The following UGT1A10 variants were observed in gnomAD, a reference collection of about 807,000 sequenced individuals.
UGT1A10 encodes UDP glucuronosyltransferase family 1 member A10.
UGT1A10 carries 49 observed loss-of-function variants against 45.8 expected under a neutral mutation model. The ratio of observed to expected loss-of-function variants is 1.07; its 90% confidence interval spans 0.85 to 1.36. UGT1A10 has a LOEUF of 1.36. UGT1A10 is among the 40% of genes most tolerant of loss of function. The pLI, the probability that UGT1A10 is intolerant of heterozygous loss-of-function variation, is 0.00. For missense variants in UGT1A10, 745 were observed against 668.6 expected, an observed-to-expected ratio of 1.11 and a Z score of -1.26; for synonymous variants, 284 against 249.7, an observed-to-expected ratio of 1.14 and a Z score of -1.29.
At chr2:233,718,649 C>G (rs1013351620) in intron 1 of UGT1A10, 2 of 1,502,938 alleles carry the variant, frequency 1.3e-6, no homozygotes, top group South Asian at 1.3e-5. Context: ...GGGCCCATAA[C>G]GAAAGGCAGT....
chr2:233,713,886 A>T (rs745467291), intron 1 of UGT1A10: 80 of 1,613,392 alleles, frequency 5.0e-5, no homozygotes, highest in Non-Finnish European at 6.3e-5. Context: ...TATCCAATCA[A>T]TGTTCCAGGC....
intron 1 of UGT1A10, among the ~76,000 whole-genome samples, chr2:233,650,190 G>A (rs1452994779): frequency 9.2e-5 from 14 of 152,076 alleles, no homozygotes; most frequent in South Asian, 2.1e-4. Flanking sequence ...GGCTGGTCTC[G>A]AACTCCTGAC....
intron 1 of UGT1A10, among the ~76,000 whole-genome samples, chr2:233,714,574 C>A (rs1193502445): frequency 2.0e-5 from 3 of 152,204 alleles, no homozygotes; most frequent in Non-Finnish European, 2.9e-5. Flanking sequence ...AAACCACATA[C>A]ATAATTTAAA....
intron 1 of UGT1A10, among the ~76,000 whole-genome samples, chr2:233,665,131 T>C (rs961900542): frequency 6.6e-6 from 1 of 152,216 alleles, no homozygotes; most frequent in Admixed American, 6.5e-5. Context: ...GCTGGACATA[T>C]TGTTCTTTAC....
At chr2:233,642,139 A>G (rs997960188) in intron 1 of UGT1A10, among the ~76,000 whole-genome samples, 1 of 152,102 alleles carries the variant, frequency 6.6e-6, no homozygotes, top group African/African-American at 2.4e-5. Context: ...GGCAATAACT[A>G]TTAGATTTGC....
At chr2:233,645,351 G>A (rs1409586887) in intron 1 of UGT1A10, among the ~76,000 whole-genome samples, 2 of 152,056 alleles carry the variant, frequency 1.3e-5, no homozygotes, top group Non-Finnish European at 2.9e-5. Flanking sequence ...TTCCACCCTG[G>A]TCCCTCCCAA....
chr2:233,681,401 G>T (rs2074521999), intron 1 of UGT1A10, among the ~76,000 whole-genome samples: 1 of 151,800 alleles, frequency 6.6e-6, no homozygotes, highest in African/African-American at 2.4e-5. Flanking sequence ...GGGCATGGCA[G>T]CGTGCGCCTG....
chr2:233,707,392 C>G (rs985802582), intron 1 of UGT1A10, among the ~76,000 whole-genome samples: 5 of 152,036 alleles, frequency 3.3e-5, no homozygotes, highest in Non-Finnish European at 7.4e-5. Context: ...ATGAGCTATT[C>G]TTTTTGATGT....
rs1169800430 is a variant in UGT1A10 at position 233,672,684 on chromosome 2, T to G, written c.855+35307T>G. ...ATGATCTCTACAGCCACACATCAAT[T>G]TGGTTGTTGCGAACGGACTTTGTTT... On this transcript the variant is annotated intron_variant, in intron 1 of 4. Coordinates refer to ENST00000344644, the MANE Select transcript of UGT1A10 (RefSeq NM_019075.4). 16 of 1,613,764 alleles carry G rather than the reference T, an allele frequency of 9.9e-6. No individual in the cohort carries two copies. The highest frequency in any genetic ancestry group is 1.3e-5 in the Non-Finnish European group (15 of 1,179,834).
chr2:233,646,862 G>A (rs1456503327), intron 1 of UGT1A10, among the ~76,000 whole-genome samples: 11 of 152,144 alleles, frequency 7.2e-5, no homozygotes, highest in Non-Finnish European at 1.5e-4. Context: ...CACGTTTTCA[G>A]GTATCTTTTC....
At position 233,761,196 on chromosome 2, in the gene UGT1A10, T is replaced by C. The variant is rs761284519; in HGVS notation, c.856-5838T>C. 5.6e-6 allele frequency: 9 copies of C among 1,614,024 alleles called. No homozygotes were observed. The East Asian group carries it at 2.0e-4, about 36-fold the overall frequency. Reference sequence around the variant, plus strand: ...TTTTACATGCGTATATTCTTTCAGATGTATTACTTTGGATCGATTAACTAG... The same window carrying C: ...TTTTACATGCGTATATTCTTTCAGACGTATTACTTTGGATCGATTAACTAG... On this transcript the variant is annotated intron_variant, in intron 1 of 4. Transcript: ENST00000344644.
chr2:233,636,501 T>A lies in UGT1A10; in HGVS notation c.-22T>A, dbSNP rs371096868. ...CATAGCAGCTTAGAATCCCAGCTGC[T>A]GGCTCGGGCTGCAGTTCTCTCATGG... On this transcript the variant is annotated 5_prime_UTR_variant, in exon 1 of 5. Coordinates refer to ENST00000344644, the MANE Select transcript of UGT1A10 (RefSeq NM_019075.4). The A allele has an allele frequency of 1.2e-6, 2 of 1,600,550 alleles. No individual in the cohort carries two copies. The highest frequency in any genetic ancestry group is 3.4e-5 in the Admixed American group (2 of 59,164).
At chr2:233,728,823 T>G (rs1575576976) in intron 1 of UGT1A10, among the ~76,000 whole-genome samples, 2 of 152,200 alleles carry the variant, frequency 1.3e-5, no homozygotes, top group East Asian at 1.9e-4. Context: ...ATGAAATGGG[T>G]GTTCACAGCC....
chr2:233,730,518 T>A (rs1423750757), intron 1 of UGT1A10, among the ~76,000 whole-genome samples: 1 of 152,032 alleles, frequency 6.6e-6, no homozygotes, highest in South Asian at 2.1e-4. Context: ...TCAGTGGAAG[T>A]GGGGCAATGA....
chr2:233,749,380 T>C (rs1225630422), intron 1 of UGT1A10, among the ~76,000 whole-genome samples: 2 of 151,870 alleles, frequency 1.3e-5, no homozygotes, highest in African/African-American at 4.9e-5. Context: ...TTCTTCCAGT[T>C]TTTCAATGTG....
chr2:233,707,853 G>A (rs2075991283), intron 1 of UGT1A10, among the ~76,000 whole-genome samples: 1 of 152,142 alleles, frequency 6.6e-6, no homozygotes, highest in Non-Finnish European at 1.5e-5. Context: ...ATTTTTCAGA[G>A]TGGTTGTACA....
intron 1 of UGT1A10, among the ~76,000 whole-genome samples, chr2:233,694,259 C>G (rs1291026484): frequency 6.6e-6 from 1 of 151,754 alleles, no homozygotes; most frequent in Non-Finnish European, 1.5e-5. Context: ...CAGGGACCAG[C>G]GAACTACAGC....
intron 1 of UGT1A10, among the ~76,000 whole-genome samples, chr2:233,671,329 A>G (rs1252497288): frequency 6.6e-6 from 1 of 152,196 alleles, no homozygotes; most frequent in African/African-American, 2.4e-5. Flanking sequence ...GGTATGGTCC[A>G]TGGAAGCAGG....
At chr2:233,659,652 G>C (rs974010241) in intron 1 of UGT1A10, among the ~76,000 whole-genome samples, 3 of 152,064 alleles carry the variant, frequency 2.0e-5, no homozygotes, top group African/African-American at 7.2e-5. Flanking sequence ...AGGAGAGGCA[G>C]GCGCACTCGA....
Sources: allele counts gnomAD v4.1 joint callset (sites outside exome capture counted in the v4.1 genomes callset), GRCh38; gene constraint gnomAD v4.1.1; transcripts MANE v1.5; gene names NCBI Gene and HGNC (gene_info 2026-07-23, HGNC 2026-07-21).